PCDH11X: variants seen among roughly 807,000 people sequenced by gnomAD.
PCDH11X encodes the protein protocadherin-11 X-linked.
In PCDH11X, 18 loss-of-function variants were observed where a neutral mutation model predicts 53.3. The observed-to-expected ratio is 0.34, with a 90% confidence interval of 0.23 to 0.50. The LOEUF (loss-of-function observed/expected upper bound fraction) is 0.50. PCDH11X is among the 20% of genes least tolerant of loss of function. The pLI, the probability that PCDH11X is intolerant of heterozygous loss-of-function variation, is 0.98. For missense variants in PCDH11X, 570 were observed against 1,032.4 expected, an observed-to-expected ratio of 0.55 and a Z score of 6.14; for synonymous variants, 279 against 393.3, an observed-to-expected ratio of 0.71 and a Z score of 3.44.
intron 6 of PCDH11X, among the ~76,000 whole-genome samples, chrX:91,895,085 C>T (rs1449777848): frequency 1.8e-5 from 2 of 111,042 alleles, no homozygotes; most frequent in Non-Finnish European, 3.8e-5. Context: ...ACTCTTTTTA[C>T]TCAGGAAAAC....
chrX:92,005,639 T>C (rs2062587186), intron 6 of PCDH11X, among the ~76,000 whole-genome samples: 1 of 112,045 alleles, frequency 8.9e-6, no homozygotes, highest in African/African-American at 3.2e-5. Flanking sequence ...GTAGTTTACA[T>C]GCCACAGTTA....
chrX:92,037,531 A>T (rs1399997391), intron 6 of PCDH11X, among the ~76,000 whole-genome samples: 1 of 111,244 alleles, frequency 9.0e-6, no homozygotes, highest in African/African-American at 3.3e-5. Flanking sequence ...GTGTGCATGT[A>T]TCTTTATAGT....
At chrX:92,221,956 C>T (rs185028729) in intron 7 of PCDH11X, among the ~76,000 whole-genome samples, 4 of 110,543 alleles carry the variant, frequency 3.6e-5, no homozygotes, top group African/African-American at 1.3e-4. Context: ...GCCTCAGCCT[C>T]CTGAGCAGCT....
In PCDH11X at chrX:91,834,155, T is replaced by C. The variant is rs189903247; in HGVS notation, c.-44-1306T>C. Among the ~76,000 whole-genome samples the C allele has an allele frequency of 2.4e-4, 27 of 111,309 alleles. No homozygotes were observed. The Admixed American group carries it at 2.5e-3, about 10-fold the overall frequency. On this transcript the variant is annotated intron_variant, in intron 4 of 10. Transcript: ENST00000682573. ...TATATAATATATCATCTACAAATAC[T>C]ATCCAGAAGAAGCACATTAGAATGT...
At chrX:92,190,329 C>T (rs1044452452) in intron 6 of PCDH11X, among the ~76,000 whole-genome samples, 1 of 111,659 alleles carries the variant, frequency 9.0e-6, no homozygotes, top group African/African-American at 3.3e-5. Context: ...GGAATTCTTT[C>T]CCCATTGCTT....
chrX:91,816,461 A>T (rs780031955), intron 4 of PCDH11X, among the ~76,000 whole-genome samples: 1 of 111,257 alleles, frequency 9.0e-6, no homozygotes, highest in Non-Finnish European at 1.9e-5. Flanking sequence ...TAGTTATTTA[A>T]CTTTTTTCTC....
At chrX:92,226,147 ACACCC>A (rs921425566) in intron 7 of PCDH11X, among the ~76,000 whole-genome samples, 2 of 111,685 alleles carry the variant, frequency 1.8e-5, no homozygotes, top group African/African-American at 6.5e-5. Flanking sequence ...GCCTTGGCCA[ACACCC>A]CAATAACAAA....
chrX:91,917,811 C>A (rs1200306678), intron 6 of PCDH11X, among the ~76,000 whole-genome samples: 4 of 109,625 alleles, frequency 3.6e-5, no homozygotes, highest in Non-Finnish European at 5.7e-5. Context: ...TTCACAGAAC[C>A]AGAAAAAAAC....
intron 6 of PCDH11X, among the ~76,000 whole-genome samples, chrX:92,132,344 G>A (rs1467890244): frequency 1.3e-5 from 1 of 79,860 alleles, no homozygotes; most frequent in Admixed American, 1.7e-4. Flanking sequence ...AGTGGCTCAC[G>A]ACGCTTTTAA....
chrX:91,869,117 T>C (rs1254787427), intron 5 of PCDH11X, among the ~76,000 whole-genome samples: 1 of 110,920 alleles, frequency 9.0e-6, no homozygotes, highest in Non-Finnish European at 1.9e-5. Context: ...TAGATGGTAT[T>C]TCTTTGGTTT....
At chrX:92,539,544 T>C (rs1034553685) in intron 10 of PCDH11X, among the ~76,000 whole-genome samples, 1 of 111,598 alleles carries the variant, frequency 9.0e-6, no homozygotes. Context: ...ACAGCTATTT[T>C]GAATTATCTG....
chrX:92,599,590 T>A (rs760042481), intron 10 of PCDH11X, among the ~76,000 whole-genome samples: 2 of 112,368 alleles, frequency 1.8e-5, no homozygotes, highest in South Asian at 3.7e-4. Context: ...TTCATTAAAC[T>A]TCTTTTTCTT....
chrX:92,592,666 G>A (rs1434607998), intron 10 of PCDH11X, among the ~76,000 whole-genome samples: 6 of 111,896 alleles, frequency 5.4e-5, no homozygotes, highest in African/African-American at 1.3e-4. Context: ...GGGAAGCGGA[G>A]GTTGCAGTGA....
At chrX:92,103,745 G>T (rs762685444) in intron 6 of PCDH11X, among the ~76,000 whole-genome samples, 66 of 112,307 alleles carry the variant, frequency 5.9e-4, no homozygotes, top group Non-Finnish European at 7.9e-4. Flanking sequence ...GGCTGCTACA[G>T]TTCAGGCGTT....
rs141308863 is a variant in PCDH11X at position 91,949,975 on chromosome X, G to A, written c.3033+70702G>A. Among the ~76,000 whole-genome samples the A allele has an allele frequency of 5.3e-3, 577 of 108,648 alleles. 4 individuals are homozygous for A. Among genetic ancestry groups the A allele is most frequent in the African/African-American group, 0.018 (525 of 29,939 alleles). 94.3% of individuals were successfully genotyped at this position (108,648 alleles called of 115,157 possible). Reference sequence around the variant, plus strand: ...TAGTAGATGGGCCAATAATAAGAGCGGCCTGACAGAAATACAGTAGACAAT... The same window carrying A: ...TAGTAGATGGGCCAATAATAAGAGCAGCCTGACAGAAATACAGTAGACAAT... On this transcript the variant is annotated intron_variant, in intron 6 of 10. Transcript: ENST00000682573.
intron 6 of PCDH11X, among the ~76,000 whole-genome samples, chrX:92,050,562 TA>T (rs1249235271): frequency 9.9e-6 from 1 of 101,064 alleles, no homozygotes; most frequent in Non-Finnish European, 2.0e-5. Context: ...TTGGACAAGT[TA>T]ACTAATCATT....
intron 1 of PCDH11X, among the ~76,000 whole-genome samples, chrX:91,799,636 A>G (rs181603444): frequency 4.6e-4 from 52 of 112,470 alleles, no homozygotes; most frequent in Non-Finnish European, 5.6e-4. Flanking sequence ...ATAAAAATGT[A>G]TTATTCAGAG....
intron 8 of PCDH11X, among the ~76,000 whole-genome samples, chrX:92,352,430 T>C (rs2070075752): frequency 8.9e-6 from 1 of 111,823 alleles, no homozygotes; most frequent in South Asian, 3.7e-4. Flanking sequence ...GACTTCACCT[T>C]TTTCTGGTAC....
chrX:92,535,256 G>C (rs1209550475), intron 10 of PCDH11X, among the ~76,000 whole-genome samples: 1 of 111,446 alleles, frequency 9.0e-6, no homozygotes, highest in Non-Finnish European at 1.9e-5. Flanking sequence ...ACAATACAAC[G>C]ACATGCAATC....
Sources: gnomAD v4.1 joint callset for allele counts (sites outside exome capture counted in the v4.1 genomes callset) on GRCh38, gnomAD v4.1.1 for gene constraint, MANE v1.5 for transcripts, NCBI Gene and HGNC (gene_info 2026-07-23, HGNC 2026-07-21) for gene names.